Variants in GOLPH3L observed in about 807,000 individuals in gnomAD.
GOLPH3L encodes golgi phosphoprotein 3 like.
In GOLPH3L, 22 loss-of-function variants were observed where a neutral mutation model predicts 30.3. The observed-to-expected ratio is 0.73, with a 90% CI of 0.52 to 1.04. GOLPH3L has a LOEUF of 1.04. Among genes scored for constraint, GOLPH3L ranks in the 50% least tolerant of loss-of-function variants. GOLPH3L has a pLI of 0.00. For missense variants in GOLPH3L, 303 were observed against 345.8 expected (o/e 0.88, Z 0.98); for synonymous variants, 120 against 128.2 (o/e 0.94, Z 0.43).
chr1:150,693,835 A>G lies in GOLPH3L; in HGVS notation c.183+821T>C, dbSNP rs11799714. Among the ~76,000 whole-genome samples the G allele has an allele frequency of 7.2e-3, 565 of 78,552 alleles. 1 individual carries two copies. The highest frequency in any genetic ancestry group is 0.011 in the Non-Finnish European group (470 of 41,094). The allele number at this position is 78,552 out of a possible 152,430, so 51.5% of individuals were successfully genotyped here. A position where few individuals can be genotyped will look rare whatever the true frequency, so the allele number is the denominator to read the frequency against. ...TGTGTGTGTGTATATATATATATAT[A>G]TATATATATATATTTTTTTTTTTTT... On this transcript the variant is annotated intron_variant, in intron 2 of 4. Coordinates refer to ENST00000271732, the MANE Select transcript of GOLPH3L (RefSeq NM_018178.6).
chr1:150,656,704 G>A (rs1650248273), intron 4 of GOLPH3L, among the ~76,000 whole-genome samples: 1 of 152,184 alleles, frequency 6.6e-6, no homozygotes, highest in African/African-American at 2.4e-5. Flanking sequence ...AACTCGGATT[G>A]TTAAACTATA....
At chr1:150,654,185 T>C (rs1650188968) in intron 4 of GOLPH3L, among the ~76,000 whole-genome samples, 2 of 151,776 alleles carry the variant, frequency 1.3e-5, no homozygotes, top group Non-Finnish European at 2.9e-5. Context: ...ATTCTGGAGC[T>C]AAAACTTATA....
At chr1:150,686,196 A>G (rs906566108) in intron 2 of GOLPH3L, among the ~76,000 whole-genome samples, 1 of 151,852 alleles carries the variant, frequency 6.6e-6, no homozygotes, top group Non-Finnish European at 1.5e-5. Flanking sequence ...TAAACTGCAA[A>G]GTCAGATATT....
intron 3 of GOLPH3L, among the ~76,000 whole-genome samples, chr1:150,662,639 A>T (rs1271160843): frequency 1.3e-5 from 2 of 152,230 alleles, no homozygotes; most frequent in African/African-American, 2.4e-5. Flanking sequence ...AGATCACTCA[A>T]GTGATACAAA....
intron 2 of GOLPH3L, among the ~76,000 whole-genome samples, chr1:150,690,390 G>C (rs1056431182): frequency 2.0e-5 from 3 of 152,028 alleles, no homozygotes; most frequent in Admixed American, 1.3e-4. Context: ...TTAACATTTA[G>C]GATTTTTTCC....
At chr1:150,685,729 A>T (rs749244470) in intron 2 of GOLPH3L, among the ~76,000 whole-genome samples, 2 of 152,118 alleles carry the variant, frequency 1.3e-5, no homozygotes, top group Non-Finnish European at 2.9e-5. Flanking sequence ...AATAAAAATA[A>T]AAATATAAAA....
intron 2 of GOLPH3L, among the ~76,000 whole-genome samples, chr1:150,681,999 G>A (rs1188829324): frequency 6.6e-6 from 1 of 151,834 alleles, no homozygotes; most frequent in Middle Eastern, 3.2e-3. Context: ...TTGGGAGGTG[G>A]AGCTTTCAGT....
In GOLPH3L at chr1:150,694,855, AGGGAGTGGT is replaced by A. The variant is rs1258968803; in HGVS notation, c.-12-14_-12-6del. 1 of 1,562,180 alleles carries A rather than the reference AGGGAGTGGT, an allele frequency of 6.4e-7. No homozygotes were observed. The highest frequency in any genetic ancestry group is 2.0e-5 in the Admixed American group (1 of 49,658). ...AGTGGTCATTCTCACCTGTTTCTGG[AGGGAGTGGT>A]GAAAAAAAAAATCCATATGTATGCT... is the stretch of plus-strand genomic sequence containing the variant. On this transcript the variant is annotated splice_polypyrimidine_tract_variant and splice_region_variant and intron_variant, in intron 1 of 4. Coordinates refer to ENST00000271732, the MANE Select transcript of GOLPH3L (RefSeq NM_018178.6).
At position 150,694,694 on chromosome 1, in the gene GOLPH3L, T is replaced by G. The variant is rs1002973834; in HGVS notation, c.145A>C (p.Met49Leu). The G allele has an allele frequency of 6.2e-7, 1 of 1,608,780 alleles. No homozygotes were observed. The highest frequency in any genetic ancestry group is 1.3e-5 in the African/African-American group (1 of 74,660). ...GDSKDIRLTL[M>L]EEVLLLGLKD... is the part of the protein sequence containing the mutation. ...AGTCCCAGAAGCAATACTTCTTCCA[T>G]AAGAGTAAGGCGGATATCCTTAGAG... Residue 49 changes from methionine (M) to leucine (L), a missense_variant, in exon 2 of 5, where the codon ATG becomes CTG. Physicochemically the swap from Met to Leu is conservative, Grantham distance 15. Transcript: ENST00000271732.
chr1:150,664,322 T>A (rs587651860), intron 2 of GOLPH3L, among the ~76,000 whole-genome samples: 14 of 152,276 alleles, frequency 9.2e-5, no homozygotes, highest in Non-Finnish European at 1.5e-4. Context: ...AAAATTTTAA[T>A]TTTTGAGGAG....
intron 2 of GOLPH3L, among the ~76,000 whole-genome samples, chr1:150,672,713 G>A (rs1323111665): frequency 1.3e-5 from 2 of 152,168 alleles, no homozygotes; most frequent in Non-Finnish European, 2.9e-5. Flanking sequence ...TTACAGGTGT[G>A]AGCCACTGCA....
At chr1:150,648,973 TA>T (rs1399225743) in intron 4 of GOLPH3L, among the ~76,000 whole-genome samples, 2 of 152,362 alleles carry the variant, frequency 1.3e-5, no homozygotes, top group Non-Finnish European at 2.9e-5. Flanking sequence ...CTAGAGCTTA[TA>T]GACTTTATTT....
chr1:150,649,413 T>A (rs1400619621), intron 4 of GOLPH3L, among the ~76,000 whole-genome samples: 1 of 152,134 alleles, frequency 6.6e-6, no homozygotes, highest in African/African-American at 2.4e-5. Flanking sequence ...CTGACTTTAT[T>A]TGGAACACAG....
chr1:150,695,924 A>G (rs1356931332), intron 1 of GOLPH3L, among the ~76,000 whole-genome samples: 1 of 152,196 alleles, frequency 6.6e-6, no homozygotes, highest in Admixed American at 6.5e-5. Context: ...GTCAAAGAAC[A>G]TGTCTTTTAT....
At chr1:150,689,029 C>A (rs1320396952) in intron 2 of GOLPH3L, among the ~76,000 whole-genome samples, 1 of 152,096 alleles carries the variant, frequency 6.6e-6, no homozygotes, top group South Asian at 2.1e-4. Flanking sequence ...TTCTCTCTTT[C>A]TATGACATAT....
chr1:150,647,887 G>C lies in GOLPH3L; in HGVS notation c.*434C>G, dbSNP rs1650020487. The C allele has an allele frequency of 1.3e-5, 2 of 156,560 alleles. No individual in the cohort carries two copies. The highest frequency in any genetic ancestry group is 1.9e-4 in the East Asian group (1 of 5,278). 9.7% of individuals were successfully genotyped at this position (156,560 alleles called of 1,614,324 possible). A position where few individuals can be genotyped will look rare whatever the true frequency, so the allele number is the denominator to read the frequency against. On this transcript the variant is annotated 3_prime_UTR_variant, in exon 5 of 5. Coordinates refer to ENST00000271732, the MANE Select transcript of GOLPH3L (RefSeq NM_018178.6). ...TTTCAATAAGCTACATTATTTAGCA[G>C]AGTCTGAGAGACAAAGGCTGTGAAA...
At chr1:150,682,220 T>G (rs1173274990) in intron 2 of GOLPH3L, among the ~76,000 whole-genome samples, 1 of 152,146 alleles carries the variant, frequency 6.6e-6, no homozygotes, top group East Asian at 1.9e-4. Context: ...AAGGTATAAT[T>G]TACATAGAGT....
chr1:150,646,964 C>A lies in GOLPH3L; in HGVS notation c.*1357G>T, dbSNP rs923057640. The stretch of plus-strand genomic sequence containing the variant: ...TTGCCCTCACTACTGAAGTAAAAAA[C>A]GTGTTAGAGATTTGGCCAGAAAGAT... On this transcript the variant is annotated 3_prime_UTR_variant, in exon 5 of 5. Coordinates refer to ENST00000271732, the MANE Select transcript of GOLPH3L (RefSeq NM_018178.6). 1.3e-5 allele frequency: 2 copies of A among 152,098 alleles called. No homozygotes were observed. The highest frequency in any genetic ancestry group is 4.8e-5 in the African/African-American group (2 of 41,396). 9.4% of individuals were successfully genotyped at this position (152,098 alleles called of 1,614,324 possible).
At chr1:150,666,576 G>A (rs1263305993) in intron 2 of GOLPH3L, among the ~76,000 whole-genome samples, 1 of 152,010 alleles carries the variant, frequency 6.6e-6, no homozygotes, top group East Asian at 1.9e-4. Context: ...GACCTCAGGT[G>A]ATCTGCCTGC....
Sources: gnomAD v4.1 joint callset for allele counts (sites outside exome capture counted in the v4.1 genomes callset) on GRCh38, gnomAD v4.1.1 for gene constraint, MANE v1.5 for transcripts, NCBI Gene and HGNC (gene_info 2026-07-23, HGNC 2026-07-21) for gene names.